The following MS4A18 variants were observed in gnomAD, a reference collection of about 807,000 sequenced individuals.
MS4A18 encodes the protein membrane-spanning 4-domains subfamily A member 18.
MS4A18 carries 27 observed loss-of-function variants against 13.1 expected under a neutral mutation model. That is an observed-to-expected ratio of 2.06 (90% CI 1.52 to 2.84). The LOEUF is 2.84. Ranked by LOEUF, MS4A18 falls within the 30% of genes most tolerant of loss-of-function variation. The pLI is 0.00. For missense variants in MS4A18, 307 were observed against 196.4 expected, an observed-to-expected ratio of 1.56 and a Z score of -3.37; for synonymous variants, 126 against 76.5, an observed-to-expected ratio of 1.65 and a Z score of -3.38.
chr11:60,732,456 G>T (rs556319936), intron 1 of MS4A18, among the ~76,000 whole-genome samples: 1 of 152,014 alleles, frequency 6.6e-6, no homozygotes. Context: ...CAGGCCTGGC[G>T]TGGTGGCTCA....
chr11:60,727,386 C>T (rs574380357), upstream of MS4A18, among the ~76,000 whole-genome samples: 1 of 152,318 alleles, frequency 6.6e-6, no homozygotes, highest in Non-Finnish European at 1.5e-5. Flanking sequence ...CAAGGTCGTA[C>T]AACTAATAAA....
chr11:60,734,689 T>C (rs1853308780), intron 2 of MS4A18, among the ~76,000 whole-genome samples: 1 of 151,974 alleles, frequency 6.6e-6, no homozygotes, highest in South Asian at 2.1e-4. Flanking sequence ...GGGGAGTTAG[T>C]GTTTTATGGG....
intron 5 of MS4A18, among the ~76,000 whole-genome samples, chr11:60,742,387 T>C (rs906220858): frequency 5.9e-5 from 9 of 152,248 alleles, no homozygotes; most frequent in Admixed American, 2.0e-4. Flanking sequence ...CTGTTACTAA[T>C]AAAATTCCCT....
chr11:60,727,938 C>A (rs577123897), upstream of MS4A18, among the ~76,000 whole-genome samples: 1 of 152,320 alleles, frequency 6.6e-6, no homozygotes, highest in East Asian at 1.9e-4. Context: ...GGTCTCCCCC[C>A]AAGTGATTCC....
chr11:60,729,231 A>T, upstream of MS4A18: 1 of 631,216 alleles, frequency 1.6e-6, no homozygotes, highest in Non-Finnish European at 2.9e-6. Context: ...ATGAAACTAA[A>T]GATAAGAATG....
At chr11:60,736,337 C>G (rs541861985) in intron 2 of MS4A18, among the ~76,000 whole-genome samples, 2 of 150,206 alleles carry the variant, frequency 1.3e-5, no homozygotes, top group South Asian at 4.2e-4. Flanking sequence ...ATGACACCAC[C>G]ACATCCTCAT....
chr11:60,736,898 T>A (rs960763118), intron 2 of MS4A18, 80 bp from the exon 4 acceptor site: 1 of 673,830 alleles, frequency 1.5e-6, no homozygotes, highest in Non-Finnish European at 2.7e-6. Context: ...GATTGAGAAA[T>A]GCGTCTCTGA....
chr11:60,728,507 GTGTGTA>G (rs921059157), upstream of MS4A18, among the ~76,000 whole-genome samples: 11 of 151,144 alleles, frequency 7.3e-5, no homozygotes, highest in African/African-American at 2.7e-4. Context: ...CTCTCTGTGT[GTGTGTA>G]TGTGTGTGTG....
chr11:60,744,243 T>G (rs56130759), downstream of MS4A18: 82,114 of 467,368 alleles, frequency 0.18, 8,898 homozygotes, highest in African/African-American at 0.37. Context: ...TTGGCAAAGT[T>G]CAGGGTGCAT....
intron 2 of MS4A18, among the ~76,000 whole-genome samples, chr11:60,735,339 T>C (rs1320596307): frequency 6.7e-6 from 1 of 148,858 alleles, no homozygotes; most frequent in East Asian, 2.0e-4. Flanking sequence ...GTTTTTCTTT[T>C]TTTTTTTTTT....
chr11:60,744,671 TA>T (rs146319239), downstream of MS4A18, among the ~76,000 whole-genome samples: 617 of 151,418 alleles, frequency 4.1e-3, 4 homozygotes, highest in African/African-American at 0.014. Flanking sequence ...CTCAACAGTA[TA>T]AAAAAAAATC....
chr11:60,727,914 G>A (rs73492910), upstream of MS4A18, among the ~76,000 whole-genome samples: 3,236 of 152,150 alleles, frequency 0.021, 105 homozygotes, highest in African/African-American at 0.074. Flanking sequence ...TCATCAAATC[G>A]GGACAATATC....
intron 1 of MS4A18, among the ~76,000 whole-genome samples, chr11:60,730,371 C>G (rs185945365): frequency 1.3e-5 from 2 of 152,314 alleles, no homozygotes; most frequent in East Asian, 1.9e-4. Context: ...GATCTGGATG[C>G]CTGGCCAACT....
chr11:60,738,634 A>T (rs1447679785), intron 3 of MS4A18, among the ~76,000 whole-genome samples: 1 of 152,104 alleles, frequency 6.6e-6, no homozygotes, highest in Non-Finnish European at 1.5e-5. Flanking sequence ...TGGGTTATGA[A>T]ATAATCTCTA....
At chr11:60,729,901 G>T in intron 1 of MS4A18, 115 bp downstream of exon 2, 2 of 605,424 alleles carry the variant, frequency 3.3e-6, no homozygotes, top group Admixed American at 2.8e-5. Flanking sequence ...GAGTGGGTGT[G>T]GGGGGCAGTT....
At chr11:60,735,217 G>A (rs1276856134) in intron 2 of MS4A18, among the ~76,000 whole-genome samples, 2 of 152,028 alleles carry the variant, frequency 1.3e-5, no homozygotes, top group Admixed American at 6.5e-5. Context: ...GAACACCTAC[G>A]TGTCCACCAC....
At chr11:60,731,290 G>A (rs1021385989) in intron 1 of MS4A18, among the ~76,000 whole-genome samples, 7 of 152,144 alleles carry the variant, frequency 4.6e-5, no homozygotes, top group African/African-American at 1.7e-4. Context: ...ATTATTCTAA[G>A]ATATTTTGGA....
chr11:60,726,386 G>A (rs1301347671), upstream of MS4A18, among the ~76,000 whole-genome samples: 6 of 152,254 alleles, frequency 3.9e-5, no homozygotes, highest in Non-Finnish European at 8.8e-5. Context: ...ATTTTGAACT[G>A]TTGGGATCCA....
upstream of MS4A18, among the ~76,000 whole-genome samples, chr11:60,726,293 A>G (rs1489004357): frequency 6.6e-6 from 1 of 152,224 alleles, no homozygotes; most frequent in African/African-American, 2.4e-5. Context: ...ATGGAAGAGT[A>G]GCATGGAAAG....
Sources: gnomAD v4.1 joint callset for allele counts (sites outside exome capture counted in the v4.1 genomes callset) on GRCh38, gnomAD v4.1.1 for gene constraint, MANE v1.5 for transcripts, NCBI Gene and HGNC (gene_info 2026-07-23, HGNC 2026-07-21) for gene names.